The following ZNF687 variants were observed in gnomAD, a reference collection of about 807,000 sequenced individuals.
The protein encoded by ZNF687 is zinc finger protein 687.
A neutral mutation model predicts 71.8 loss-of-function variants in ZNF687; 13 were observed. That is an observed-to-expected ratio of 0.18 (90% CI 0.12 to 0.29). ZNF687 has a LOEUF of 0.29. Ranked by LOEUF, ZNF687 falls within the 10% of genes least tolerant of loss-of-function variation. ZNF687 has a pLI of 1.00. For missense variants in ZNF687, 1,412 were observed against 1,625.6 expected (o/e 0.87, Z 2.26); for synonymous variants, 673 against 641.6 (o/e 1.05, Z -0.74).
Position 151,287,258 on chromosome 1 carries a change from A to G in ZNF687, c.967A>G (p.Ser323Gly). 6.2e-7 allele frequency: 1 copy of G among 1,614,080 alleles called. No individual in the cohort carries two copies. The highest frequency in any genetic ancestry group is 1.1e-5 in the South Asian group (1 of 91,084). Residue 323 changes from serine to glycine, a missense_variant, in exon 2 of 9, where the codon AGC (serine) becomes GGC (glycine). By Grantham distance (56) the Ser-to-Gly change is moderately conservative. Transcript: ENST00000336715. The surrounding 1 kb of genome is among the most constrained non-coding windows in gnomAD (Gnocchi z 5.0). ...GGACAGCAATGACTCCCCTGCCTCC[A>G]GCTCCTCTAGGCCTCTTAAGGTGCG... The part of the protein sequence containing the change: ...DEDSNDSPAS[S>G]SSRPLKVRIK...
upstream of ZNF687, chr1:151,281,690 G>A (rs1318194168): frequency 2.2e-6 from 1 of 444,722 alleles, no homozygotes; most frequent in Non-Finnish European, 4.8e-6. Context: ...TTAGACGGTG[G>A]GAAGACCGCA....
In ZNF687 at chr1:151,287,071, G is replaced by T. The variant is rs1231125739; in HGVS notation, c.780G>T (p.Val260=). The T allele has an allele frequency of 4.3e-6, 7 of 1,612,908 alleles. No individual in the cohort carries two copies. The highest frequency in any genetic ancestry group is 4.2e-6 in the Non-Finnish European group (5 of 1,179,138). ...ASASPPPVAG[V]PFFKQSPGHQ... Reference sequence around the variant, plus strand: ...CCTCGCCTCCCCCAGTTGCTGGGGTGCCCTTCTTCAAGCAGTCTCCAGGGC... The same window carrying T: ...CCTCGCCTCCCCCAGTTGCTGGGGTTCCCTTCTTCAAGCAGTCTCCAGGGC... The change falls in exon 2 of 9, where the codon GTG becomes GTT. Residue 260 remains valine, a synonymous_variant. Coordinates refer to ENST00000336715, the MANE Select transcript of ZNF687 (RefSeq NM_020832.3). The surrounding 1 kb of genome is among the most constrained non-coding windows in gnomAD (Gnocchi z 5.0).
Position 151,290,550 on chromosome 1 carries a change from C to T in ZNF687, c.3196C>T (p.Arg1066Trp), listed in dbSNP as rs60042414. 34 of 1,613,644 alleles carry T rather than the reference C, an allele frequency of 2.1e-5. No individual in the cohort carries two copies. In the East Asian group the frequency reaches 4.9e-4, roughly 23 times the overall value. The part of the protein sequence containing the change: ...QSPGRGTTLA[R>W]GSSARAQGPG... ...CCCTGGCCGGGGGACCACCTTGGCT[C>T]GGGGTTCCAGTGCCAGAGCCCAGGT... Residue 1066 changes from arginine (R) to tryptophan (W), a missense_variant, in exon 8 of 9, where the codon CGG (arginine) becomes TGG (tryptophan). Arg to Trp is a moderately radical substitution (Grantham distance 101). Around this residue, in one of 8 missense-constraint regions of ZNF687, gnomAD observed 284 missense variants for 359.2 expected, o/e 0.79. Coordinates refer to ENST00000336715, the MANE Select transcript of ZNF687 (RefSeq NM_020832.3).
chr1:151,283,818 C>T, intron 1 of ZNF687: 16 of 985,372 alleles, frequency 1.6e-5, no homozygotes, highest in Non-Finnish European at 1.9e-5. Flanking sequence ...AACCTTGGTC[C>T]CAGCAATCCC....
chr1:151,290,302 T>TGCACCTGC, intron 7 of ZNF687, 68 bp downstream of exon 7: 1 of 1,608,576 alleles, frequency 6.2e-7, no homozygotes, highest in Non-Finnish European at 8.5e-7. Context: ...AAAGTACCTG[T>TGCACCTGC]GCACCTGCGA....
At chr1:151,283,065 G>A (rs1167128129) in intron 1 of ZNF687, 4 of 981,204 alleles carry the variant, frequency 4.1e-6, no homozygotes, top group Non-Finnish European at 4.8e-6. Context: ...GCTCCCAAAG[G>A]GCCTGGCCTG....
intron 6 of ZNF687, 32 bp downstream of exon 6, chr1:151,290,039 TG>T (rs759881687): frequency 6.2e-7 from 1 of 1,602,826 alleles, no homozygotes. Context: ...TACCATGGGC[TG>T]GGGGCAGCAT....
At chr1:151,284,356 G>T (rs1693855910) in intron 1 of ZNF687, 1 of 759,238 alleles carries the variant, frequency 1.3e-6, no homozygotes, top group African/African-American at 1.9e-5. Context: ...GGCACTCTGG[G>T]GAAGGTAGTG....
In ZNF687 at chr1:151,289,101, C is replaced by T. The variant is rs762596474; in HGVS notation, c.2301C>T (p.Pro767=). ...HVSRRVGYRC[P]SCSVVFGGVN... is the part of the protein sequence containing the mutation. ...CCTCCTGCTTCCTCCCTAGGTGCCCCAGCTGTTCAGTGGTGTTTGGGGGTG... is the reference window on the plus strand; with the variant it reads ...CCTCCTGCTTCCTCCCTAGGTGCCCTAGCTGTTCAGTGGTGTTTGGGGGTG... The change falls in exon 4 of 9, where the codon CCC becomes CCT. Residue 767 remains proline (P), a synonymous_variant. Transcript: ENST00000336715. 2 of 1,613,994 alleles carry T rather than the reference C, an allele frequency of 1.2e-6. No homozygotes were observed. Among genetic ancestry groups the T allele is most frequent in the South Asian group, 2.2e-5 (2 of 91,074 alleles).
At chr1:151,285,310 C>T (rs991429325) in intron 1 of ZNF687, 2 of 152,190 alleles carry the variant, frequency 1.3e-5, no homozygotes, top group Non-Finnish European at 1.5e-5. Context: ...ACATCATCCT[C>T]CTTAATAATA....
In ZNF687 at chr1:151,287,085, A is replaced by G. The variant is rs1240008378; in HGVS notation, c.794A>G (p.Gln265Arg). 6.2e-7 allele frequency: 1 copy of G among 1,613,764 alleles called. No homozygotes were observed. The highest frequency in any genetic ancestry group is 8.5e-7 in the Non-Finnish European group (1 of 1,179,698). The change falls in exon 2 of 9, where the codon CAG becomes CGG. Residue 265 changes from glutamine (Q) to arginine (R), a missense_variant. This residue lies in a region of ZNF687 where 490 missense variants were observed against 489.9 expected (regional missense o/e 1.00). Transcript: ENST00000336715. The surrounding 1 kb of genome is among the most constrained non-coding windows in gnomAD (Gnocchi z 5.0). ...GTTGCTGGGGTGCCCTTCTTCAAGC[A>G]GTCTCCAGGGCACCAGAGCCCTCTT... is the stretch of plus-strand genomic sequence containing the variant. ...PPVAGVPFFK[Q>R]SPGHQSPLAS...
chr1:151,289,656 C>T (rs770868899), intron 5 of ZNF687, 22 bp from the exon 6 acceptor site: 1 of 1,586,246 alleles, frequency 6.3e-7, no homozygotes, highest in South Asian at 1.1e-5. Context: ...ACAACAGCAA[C>T]CTCCCTTGTC....
intron 1 of ZNF687, chr1:151,283,053 C>T (rs1693790698): frequency 2.1e-6 from 2 of 958,280 alleles, no homozygotes; most frequent in African/African-American, 3.5e-5. Flanking sequence ...TGCTGCGCAG[C>T]AGCTCCCAAA....
At chr1:151,289,613 G>C (rs1437756909) in intron 5 of ZNF687, 65 bp from the exon 6 acceptor site, 3 of 1,607,104 alleles carry the variant, frequency 1.9e-6, no homozygotes, top group African/African-American at 2.7e-5. Flanking sequence ...TACTTCAGAA[G>C]TGGGGGGCTT....
intron 1 of ZNF687, chr1:151,284,144 G>T (rs1235380738): frequency 1.0e-6 from 1 of 985,336 alleles, no homozygotes; most frequent in Non-Finnish European, 1.2e-6. Context: ...ACAGGAAAAT[G>T]GAAAGGGTGA....
chr1:151,288,430 C>G, intron 2 of ZNF687, 24 bp downstream of exon 2: 1 of 1,595,758 alleles, frequency 6.3e-7, no homozygotes, highest in Non-Finnish European at 8.5e-7. Flanking sequence ...CACAGCCCTT[C>G]TGTGGGGACA....
Position 151,289,914 on chromosome 1 carries a change from T to G in ZNF687, c.2871T>G (p.Gly957=), listed in dbSNP as rs763786664. The G allele has an allele frequency of 2.6e-6, 4 of 1,550,800 alleles. No individual in the cohort carries two copies. Among genetic ancestry groups the G allele is most frequent in the Non-Finnish European group, 2.6e-6 (3 of 1,144,596 alleles). ...GGAGCAAAGGCCTCAAGGGTGGGGG[T>G]GGGGGGCCTGGAGGCTGGACCTGTG... ...ELGSKGLKGG[G]GGPGGWTCGL... is the part of the protein sequence containing the mutation. Residue 957 remains glycine, a synonymous_variant, in exon 6 of 9, where the codon GGT becomes GGG. Transcript: ENST00000336715.
intron 1 of ZNF687, 114 bp downstream of exon 1, chr1:151,282,509 C>T: frequency 1.3e-6 from 1 of 785,112 alleles, no homozygotes; most frequent in Non-Finnish European, 1.5e-6. Context: ...GCGCCGCCCC[C>T]TGGGGCGGCT....
Position 151,287,673 on chromosome 1 carries a change from G to A in ZNF687, c.1382G>A (p.Gly461Glu). The A allele has an allele frequency of 1.9e-6, 3 of 1,613,492 alleles. No homozygotes were observed. The highest frequency in any genetic ancestry group is 2.5e-6 in the Non-Finnish European group (3 of 1,179,786). ...GACGGGCGGGCAGGGCTGGGGACTG[G>A]GGGACAGAAGGTGAATGGTGCCTCG... ...KADGRAGLGT[G>E]GQKVNGASVV... Residue 461 changes from glycine (G) to glutamate (E), a missense_variant, in exon 2 of 9, where the codon GGG becomes GAG. Around this residue, in one of 8 missense-constraint regions of ZNF687, gnomAD observed 133 missense variants for 155.1 expected, o/e 0.86. Transcript: ENST00000336715. The surrounding 1 kb of genome is among the most constrained non-coding windows in gnomAD (Gnocchi z 5.0).
Sources: gnomAD v4.1 joint callset for allele counts on GRCh38, gnomAD v4.1.1 for gene constraint, gnomAD v4.1.1 regional missense constraint, Gnocchi (gnomAD v3.1) non-coding constraint, MANE v1.5 for transcripts, NCBI Gene and HGNC (gene_info 2026-07-23, HGNC 2026-07-21) for gene names.